PCBP3: variants seen among roughly 807,000 people sequenced by gnomAD.
The protein encoded by PCBP3 is poly(rC)-binding protein 3.
PCBP3 carries 25 observed loss-of-function variants against 52.7 expected under a neutral mutation model. That is an observed-to-expected ratio of 0.47 (90% CI 0.35 to 0.66). PCBP3 has a LOEUF of 0.66. Ranked by LOEUF, PCBP3 falls within the 30% of genes least tolerant of loss-of-function variation. PCBP3 has a pLI of 0.01. For missense variants in PCBP3, 391 were observed against 490.3 expected, an observed-to-expected ratio of 0.80 and a Z score of 1.91; for synonymous variants, 162 against 183.0, an observed-to-expected ratio of 0.89 and a Z score of 0.93.
At chr21:45,683,616 A>G (rs183403740) in intron 2 of PCBP3, among the ~76,000 whole-genome samples, 2 of 152,330 alleles carry the variant, frequency 1.3e-5, no homozygotes, top group Admixed American at 6.5e-5. Context: ...GAAGAAGTTT[A>G]TCACAGGAAT....
At chr21:45,877,920 G>A (rs553184112) in intron 5 of PCBP3, among the ~76,000 whole-genome samples, 10 of 152,386 alleles carry the variant, frequency 6.6e-5, no homozygotes, top group East Asian at 1.9e-4. Context: ...CCTTGGGACC[G>A]GGAGGCGGCA....
chr21:45,930,486 G>A (rs747914152), intron 14 of PCBP3, among the ~76,000 whole-genome samples: 20 of 152,202 alleles, frequency 1.3e-4, no homozygotes, highest in Non-Finnish European at 2.5e-4. Context: ...TAGCCCAGTC[G>A]CTGTCATGAG....
chr21:45,664,872 G>A (rs931513760), intron 1 of PCBP3, among the ~76,000 whole-genome samples: 1 of 149,972 alleles, frequency 6.7e-6, no homozygotes, highest in African/African-American at 2.5e-5. Flanking sequence ...GCGGTGTTTG[G>A]TTTTTTGTTC....
intron 13 of PCBP3, among the ~76,000 whole-genome samples, chr21:45,922,224 A>T (rs1240474699): frequency 6.6e-6 from 1 of 152,190 alleles, no homozygotes; most frequent in East Asian, 1.9e-4. Flanking sequence ...ACCAGGAAGG[A>T]ATTGTTTTTT....
chr21:45,669,389 C>T (rs1194395395), intron 2 of PCBP3, among the ~76,000 whole-genome samples: 1 of 151,804 alleles, frequency 6.6e-6, no homozygotes, highest in Non-Finnish European at 1.5e-5. Context: ...TTTATTGTTT[C>T]TGTTTTTAAC....
At chr21:45,930,267 G>T (rs1050122054) in intron 14 of PCBP3, among the ~76,000 whole-genome samples, 6 of 152,020 alleles carry the variant, frequency 3.9e-5, no homozygotes, top group Non-Finnish European at 8.8e-5. Context: ...GCCCACCGAG[G>T]GTCTGCACTT....
chr21:45,703,971 G>T (rs2083288112), intron 2 of PCBP3, among the ~76,000 whole-genome samples: 1 of 152,160 alleles, frequency 6.6e-6, no homozygotes, highest in South Asian at 2.1e-4. Context: ...GTTTGGGAGA[G>T]AGGACCAGGA....
In PCBP3 at chr21:45,782,708, A is replaced by C. The variant is rs79588619; in HGVS notation, c.-126+27256A>C. Among the ~76,000 whole-genome samples, 184 of 152,366 alleles carry C rather than the reference A, an allele frequency of 1.2e-3. 1 individual carries two copies. The highest frequency in any genetic ancestry group is 6.8e-3 in the Middle Eastern group (2 of 294). On this transcript the variant is annotated intron_variant, in intron 4 of 17. Transcript: ENST00000681687. Reference sequence around the variant, plus strand: ...CAGCCTACCCTGAAATGAACAAATTAAAAAAGCAAGCAAACAAGCAAGCAA... The same window carrying C: ...CAGCCTACCCTGAAATGAACAAATTCAAAAAGCAAGCAAACAAGCAAGCAA...
chr21:45,907,414 G>A (rs1216322748), intron 9 of PCBP3, among the ~76,000 whole-genome samples: 4 of 152,190 alleles, frequency 2.6e-5, no homozygotes, highest in African/African-American at 9.7e-5. Flanking sequence ...CCCTTACCTC[G>A]AAGGGTAGAG....
intron 2 of PCBP3, among the ~76,000 whole-genome samples, chr21:45,691,055 G>C (rs900612622): frequency 1.1e-4 from 17 of 151,978 alleles, no homozygotes; most frequent in Non-Finnish European, 2.2e-4. Flanking sequence ...CTTATGCAAA[G>C]ACATGTACAA....
At chr21:45,920,504 A>G (rs2074288435) in intron 13 of PCBP3, among the ~76,000 whole-genome samples, 1 of 152,204 alleles carries the variant, frequency 6.6e-6, no homozygotes, top group African/African-American at 2.4e-5. Flanking sequence ...GCATGTGGTA[A>G]TGATTTGAGA....
chr21:45,849,988 C>G lies in PCBP3; in HGVS notation c.-98C>G. Reference sequence around the variant, plus strand: ...CGGTAGGCTCCACGACAAAAGTCAACCCTTCTGTAAATCACCTGCTGTGGT... The same window carrying G: ...CGGTAGGCTCCACGACAAAAGTCAAGCCTTCTGTAAATCACCTGCTGTGGT... On this transcript the variant is annotated 5_prime_UTR_variant, in exon 5 of 18. Transcript: ENST00000681687. 8.4e-7 allele frequency: 1 copy of G among 1,184,972 alleles called. No homozygotes were observed. The highest frequency in any genetic ancestry group is 1.2e-6 in the Non-Finnish European group (1 of 812,682). 73.4% of individuals were successfully genotyped at this position (1,184,972 alleles called of 1,614,324 possible).
intron 1 of PCBP3, among the ~76,000 whole-genome samples, chr21:45,665,498 T>A (rs189484674): frequency 6.6e-5 from 10 of 152,210 alleles, no homozygotes; most frequent in African/African-American, 1.4e-4. Context: ...GAATCATTTA[T>A]AAGAGTCTTT....
chr21:45,746,215 G>GC (rs372106153), intron 3 of PCBP3, among the ~76,000 whole-genome samples: 1 of 116,184 alleles, frequency 8.6e-6, no homozygotes, highest in East Asian at 2.6e-4. Context: ...TTGACGTAGC[G>GC]CACACGGTGT....
intron 3 of PCBP3, among the ~76,000 whole-genome samples, chr21:45,740,607 T>TG (rs1264006843): frequency 3.0e-5 from 4 of 131,934 alleles, no homozygotes; most frequent in African/African-American, 1.2e-4. Context: ...TGTGAGTGTG[T>TG]GTGTGGTGTG....
chr21:45,684,740 C>G (rs1340066651), intron 2 of PCBP3, among the ~76,000 whole-genome samples: 1 of 152,126 alleles, frequency 6.6e-6, no homozygotes, highest in Non-Finnish European at 1.5e-5. Context: ...GCCAAAACAC[C>G]TCTTTTCTTC....
At chr21:45,921,134 A>G (rs2074371282) in intron 13 of PCBP3, among the ~76,000 whole-genome samples, 2 of 152,272 alleles carry the variant, frequency 1.3e-5, no homozygotes, top group African/African-American at 4.8e-5. Flanking sequence ...GACATAGGTA[A>G]CAATAGTCAG....
chr21:45,854,143 A>C (rs1603450977), intron 5 of PCBP3: 1 of 152,232 alleles, frequency 6.6e-6, no homozygotes, highest in East Asian at 1.9e-4. Context: ...CTGGGCCCTG[A>C]GAGGCTGTGC....
intron 2 of PCBP3, among the ~76,000 whole-genome samples, chr21:45,680,092 T>C (rs2081742285): frequency 6.6e-6 from 1 of 152,252 alleles, no homozygotes; most frequent in Admixed American, 6.5e-5. Flanking sequence ...GATTGCCATG[T>C]CCATCCTTCT....
Sources: gnomAD v4.1 joint callset for allele counts (sites outside exome capture counted in the v4.1 genomes callset) on GRCh38, gnomAD v4.1.1 for gene constraint, MANE v1.5 for transcripts, NCBI Gene and HGNC (gene_info 2026-07-23, HGNC 2026-07-21) for gene names.